The following PLXNA1 variants were observed in gnomAD, a reference collection of about 807,000 sequenced individuals.
PLXNA1 encodes the protein plexin-A1.
A neutral mutation model predicts 191.7 loss-of-function variants in PLXNA1; 77 were observed. The ratio of observed to expected loss-of-function variants is 0.40; its 90% CI spans 0.33 to 0.49. The LOEUF (loss-of-function observed/expected upper bound fraction) is 0.49. Among genes scored for constraint, PLXNA1 ranks in the 20% least tolerant of loss-of-function variants. PLXNA1 has a pLI of 0.63. For missense variants in PLXNA1, 2,110 were observed against 2,660.2 expected, an observed-to-expected ratio of 0.79 and a Z score of 4.55; for synonymous variants, 1,137 against 1,156.4, an observed-to-expected ratio of 0.98 and a Z score of 0.34.
Position 127,034,016 on chromosome 3 carries a change from G to C in PLXNA1, c.5690G>C (p.Ter1897SerextTer12), listed in dbSNP as rs1435675282. 1 of 1,596,982 alleles carries C rather than the reference G, an allele frequency of 6.3e-7. No individual in the cohort carries two copies. The highest frequency in any genetic ancestry group is 1.3e-5 in the African/African-American group (1 of 74,760). The change falls in exon 32 of 32, where the codon TGA (stop) becomes TCA (serine). Residue 1897 changes from the stop codon to serine (S), a stop_lost. Transcript: ENST00000393409. ...GTGGACACGATGGCCCTGAGCAGCT[G>C]AGCCCCAGCTGTGATCATCCAGCAT... is the stretch of plus-strand genomic sequence containing the variant. Reference protein sequence around the residue: ...QVVDTMALSS* With the variant: ...QVVDTMALSSS
At chr3:127,003,690 C>G (rs536452348) in intron 4 of PLXNA1, among the ~76,000 whole-genome samples, 67 of 152,358 alleles carry the variant, frequency 4.4e-4, no homozygotes, top group Non-Finnish European at 8.4e-4. Flanking sequence ...GCCCCACAGC[C>G]TCATTGCTGC....
chr3:126,994,107 C>T (rs1559954625), intron 3 of PLXNA1, among the ~76,000 whole-genome samples: 1 of 152,142 alleles, frequency 6.6e-6, no homozygotes, highest in Non-Finnish European at 1.5e-5. Flanking sequence ...CTCATAGCAG[C>T]CTGTCATCTG....
Position 127,007,921 on chromosome 3 carries a change from C to T in PLXNA1, c.2112+8C>T, listed in dbSNP as rs771411641. On this transcript the variant is annotated splice_region_variant and intron_variant, in intron 9 of 31. Transcript: ENST00000393409. ...CGTGTCAACGTGTCTGAGGTAAGGC[C>T]GGGCAAGGGTGAGGGTCAGGTTTTC... is the stretch of plus-strand genomic sequence containing the variant. 1.9e-6 allele frequency: 3 copies of T among 1,593,268 alleles called. No homozygotes were observed. The highest frequency in any genetic ancestry group is 2.2e-5 in the East Asian group (1 of 44,500).
chr3:126,989,176 T>C lies in PLXNA1; in HGVS notation c.583T>C (p.Ser195Pro). 6.2e-7 allele frequency: 1 copy of C among 1,613,520 alleles called. No individual in the cohort carries two copies. Among genetic ancestry groups the C allele is most frequent in the Non-Finnish European group, 8.5e-7 (1 of 1,180,034 alleles). Residue 195 changes from serine (S) to proline (P), a missense_variant, in exon 2 of 32, where the codon TCC becomes CCC. By Grantham distance (74) the Ser-to-Pro change is moderately conservative (BLOSUM62 -1). This residue lies in a region of PLXNA1 where 903 missense variants were observed against 1,015.7 expected (regional missense o/e 0.89). Coordinates refer to ENST00000393409, the MANE Select transcript of PLXNA1 (RefSeq NM_032242.4). ...CGTGGGCACACCCATCGATGGCAAG[T>C]CCGAGTACTTCCCCACACTGTCCAG... Reference protein sequence around the residue: ...LFVGTPIDGKSEYFPTLSSRR... With the variant: ...LFVGTPIDGKPEYFPTLSSRR...
chr3:127,005,337 C>A, intron 7 of PLXNA1, 94 bp downstream of exon 7: 1 of 1,426,170 alleles, frequency 7.0e-7, no homozygotes, highest in Non-Finnish European at 9.4e-7. Context: ...TGTTCAGTTC[C>A]AAGGGCATGT....
chr3:127,032,911 G>A (rs1192839940), intron 31 of PLXNA1, 75 bp downstream of exon 31: 16 of 1,454,104 alleles, frequency 1.1e-5, no homozygotes, highest in South Asian at 2.5e-5. Context: ...GCTCTGCCCC[G>A]CCCTGCCACT....
rs1212271826 is a variant in PLXNA1 at position 127,020,302 on chromosome 3, C to G, written c.3996C>G (p.Leu1332=). 8.7e-6 allele frequency: 14 copies of G among 1,613,028 alleles called. No individual in the cohort carries two copies. The highest frequency in any genetic ancestry group is 1.1e-5 in the Non-Finnish European group (13 of 1,179,970). The change falls in exon 21 of 32, where the codon CTC becomes CTG. Residue 1332 remains leucine (L), a synonymous_variant. Transcript: ENST00000393409. Reference sequence around the variant, plus strand: ...ACCGGACATATGCCATGCGGGTGCTCTTTCCTGGGATCGAGGACCACCCTG... The same window carrying G: ...ACCGGACATATGCCATGCGGGTGCTGTTTCCTGGGATCGAGGACCACCCTG... The part of the protein sequence containing the change: ...LDYRTYAMRV[L]FPGIEDHPVL...
chr3:127,005,864 C>T (rs2079066096), intron 7 of PLXNA1, among the ~76,000 whole-genome samples: 2 of 152,206 alleles, frequency 1.3e-5, no homozygotes, highest in Non-Finnish European at 2.9e-5. Flanking sequence ...TGGGGAGAGT[C>T]TCGCGGTTCT....
chr3:127,029,464 C>G lies in PLXNA1; in HGVS notation c.4798C>G (p.Leu1600Val), dbSNP rs756362804. 6.2e-7 allele frequency: 1 copy of G among 1,613,866 alleles called. No individual in the cohort carries two copies. Among genetic ancestry groups the G allele is most frequent in the Non-Finnish European group, 8.5e-7 (1 of 1,179,950 alleles). ...GGTGACAGACGGGTCCTCGGTGGCA[C>G]TGGTGCCCAAGCAGACGTCCGCCTA... ...YQVTDGSSVA[L>V]VPKQTSAYNI... Residue 1600 changes from leucine (L) to valine (V), a missense_variant, in exon 27 of 32, where the codon CTG becomes GTG. By Grantham distance (32) the Leu-to-Val change is conservative (BLOSUM62 1). This residue lies in a region of PLXNA1 where 559 missense variants were observed against 911.5 expected (regional missense o/e 0.61). Coordinates refer to ENST00000393409, the MANE Select transcript of PLXNA1 (RefSeq NM_032242.4).
In PLXNA1 at chr3:127,017,037, CGTGAGTCCCT is replaced by C. The variant is rs750671405; in HGVS notation, c.3276+2_3276+11del. 1 of 1,612,336 alleles carries C rather than the reference CGTGAGTCCCT, an allele frequency of 6.2e-7. No individual in the cohort carries two copies. The highest frequency in any genetic ancestry group is 8.5e-7 in the Non-Finnish European group (1 of 1,179,160). The stretch of plus-strand genomic sequence containing the variant: ...AGTATGGAGGCATTGAGAGGGAGAA[CGTGAGTCCCT>C]GCCCTCAGCTGCCCACCTCGGTCCA... On this transcript the variant is annotated splice_donor_variant and splice_donor_5th_base_variant and intron_variant, in intron 17 of 31. Transcript: ENST00000393409. LOFTEE classifies it high-confidence loss of function.
In PLXNA1 at chr3:127,014,065, T is replaced by A; in HGVS notation, c.2359T>A (p.Ser787Thr). ...TGTCAGCGACCTGCCAGTGAACCTG[T>A]CAGTCGTGTGGAACGGCAACTTTGT... ...NDVSDLPVNL[S>T]VVWNGNFVID... is the part of the protein sequence containing the mutation. The change falls in exon 11 of 32, where the codon TCA (serine) becomes ACA (threonine). Residue 787 changes from serine (S) to threonine (T), a missense_variant. Physicochemically the swap from Ser to Thr is moderately conservative, Grantham distance 58. Coordinates refer to ENST00000393409, the MANE Select transcript of PLXNA1 (RefSeq NM_032242.4). 6.2e-7 allele frequency: 1 copy of A among 1,613,988 alleles called. No homozygotes were observed.
intron 23 of PLXNA1, among the ~76,000 whole-genome samples, chr3:127,025,898 C>T (rs140558003): frequency 1.3e-5 from 2 of 152,332 alleles, no homozygotes; most frequent in African/African-American, 4.8e-5. Flanking sequence ...CAACCCAAAT[C>T]CTTTTCATTC....
In PLXNA1 at chr3:127,034,298, A is replaced by C; in HGVS notation, c.*281A>C. ...GGCCAAGGACCTTCATTGCCTGGCA[A>C]GAGCTGCCCAGTGGCCTTCATGGGA... On this transcript the variant is annotated 3_prime_UTR_variant, in exon 32 of 32. Coordinates refer to ENST00000393409, the MANE Select transcript of PLXNA1 (RefSeq NM_032242.4). The C allele has an allele frequency of 2.7e-6, 1 of 375,968 alleles. No homozygotes were observed. Among genetic ancestry groups the C allele is most frequent in the Non-Finnish European group, 4.8e-6 (1 of 206,964 alleles). The allele number at this position is 375,968 out of a possible 1,614,324, so 23.3% of individuals were successfully genotyped here. A position where few individuals can be genotyped will look rare whatever the true frequency, so the allele number is the denominator to read the frequency against.
rs1309814785 is a variant in PLXNA1, at chr3:127,036,104, G to T, written c.*2087G>T. 1 of 152,726 alleles carries T rather than the reference G, an allele frequency of 6.5e-6. No homozygotes were observed. Among genetic ancestry groups the T allele is most frequent in the African/African-American group, 2.4e-5 (1 of 41,432 alleles). 9.5% of individuals were successfully genotyped at this position (152,726 alleles called of 1,614,324 possible). A position where few individuals can be genotyped will look rare whatever the true frequency, so the allele number is the denominator to read the frequency against. On this transcript the variant is annotated 3_prime_UTR_variant, in exon 32 of 32. Transcript: ENST00000393409. ...AGCATTGGCTGGGATTCCTGTTCCT[G>T]GGTGCGCCTCCACCTCCCTTCTGAT...
Position 127,028,188 on chromosome 3 carries a change from A to G in PLXNA1, c.4517A>G (p.Asn1506Ser). 6 of 1,613,214 alleles carry G rather than the reference A, an allele frequency of 3.7e-6. No individual in the cohort carries two copies. Among genetic ancestry groups the G allele is most frequent in the Non-Finnish European group, 5.1e-6 (6 of 1,179,968 alleles). ...GCTCCACCCCGCCCGCAGACCCTGA[A>G]CTGTGTGAACCCTGAGAATGAGAAT... ...QQIDYKTLTL[N>S]CVNPENENAP... The change falls in exon 25 of 32, where the codon AAC becomes AGC. Residue 1506 changes from asparagine (N) to serine (S), a missense_variant. By Grantham distance (46) the Asn-to-Ser change is conservative. Transcript: ENST00000393409.
chr3:126,998,046 C>T (rs1478184824), intron 3 of PLXNA1, among the ~76,000 whole-genome samples: 10 of 152,184 alleles, frequency 6.6e-5, no homozygotes, highest in Non-Finnish European at 1.5e-4. Context: ...TGGCAGCGTG[C>T]AGTGGGTATG....
At chr3:127,004,321 T>A (rs532006102) in intron 4 of PLXNA1, among the ~76,000 whole-genome samples, 122 of 151,904 alleles carry the variant, frequency 8.0e-4, no homozygotes, top group Non-Finnish European at 1.1e-3. Context: ...TGGGAGGGAG[T>A]CCAGACAGAT....
Position 127,017,426 on chromosome 3 carries a change from G to T in PLXNA1, c.3278G>T (p.Gly1093Val), listed in dbSNP as rs774895652. Residue 1093 changes from glycine to valine, a missense_variant and splice_region_variant, in exon 18 of 32, where the codon GGC (glycine) becomes GTC (valine). This residue lies in a region of PLXNA1 where 644 missense variants were observed against 714.3 expected (regional missense o/e 0.90). Transcript: ENST00000393409. Reference sequence around the variant, plus strand: ...AGCATCCCCACCCTGTGTCTCCAGGGCTGCCTGGTGTACAATGACACCACC... The same window carrying T: ...AGCATCCCCACCCTGTGTCTCCAGGTCTGCCTGGTGTACAATGACACCACC... Reference protein sequence around the residue: ...AKYGGIERENGCLVYNDTTMV... With the variant: ...AKYGGIERENVCLVYNDTTMV... 1 of 1,612,108 alleles carries T rather than the reference G, an allele frequency of 6.2e-7. No homozygotes were observed. The highest frequency in any genetic ancestry group is 2.2e-5 in the East Asian group (1 of 44,858).
chr3:127,018,186 G>T (rs1230052756), intron 19 of PLXNA1, 108 bp from the exon 20 acceptor site: 4 of 1,069,938 alleles, frequency 3.7e-6, no homozygotes, highest in Non-Finnish European at 1.3e-6. Flanking sequence ...CTGTCGGTGG[G>T]ACCTTTCCCA....
Sources: gnomAD v4.1 joint callset for allele counts (sites outside exome capture counted in the v4.1 genomes callset) on GRCh38, gnomAD v4.1.1 for gene constraint, gnomAD v4.1.1 regional missense constraint, MANE v1.5 for transcripts, NCBI Gene and HGNC (gene_info 2026-07-23, HGNC 2026-07-21) for gene names.